AKT3: variants seen among roughly 807,000 people sequenced by gnomAD.
AKT3 encodes the protein RAC-gamma serine/threonine-protein kinase.
In AKT3, 15 loss-of-function variants were observed where a neutral mutation model predicts 65.3. The ratio of observed to expected loss-of-function variants is 0.23; its 90% confidence interval spans 0.15 to 0.35. AKT3 has a LOEUF of 0.35. Among genes scored for constraint, AKT3 ranks in the 10% least tolerant of loss-of-function variants. The probability of loss-of-function intolerance (pLI) is 1.00; values close to 1 mark genes in which losing one functional copy is unlikely to be tolerated. For synonymous variants in AKT3, 206 were observed against 183.8 expected (o/e 1.12, Z -0.98); for missense variants, 243 against 576.5 (o/e 0.42, Z 5.92).
chr1:243,491,268 A>G lies in AKT3; in HGVS notation c.*7-2818T>C, dbSNP rs571902539. ...GAGTTGCAAAATTTTCACAAAACGC[A>G]TTAAAAAAACCCCAAACCTCAAAAA... On this transcript the variant is annotated intron_variant, in intron 13 of 13. Coordinates refer to the AKT3 transcript ENST00000336199. Among the ~76,000 whole-genome samples, 18 of 152,358 alleles carry G rather than the reference A, an allele frequency of 1.2e-4. No individual in the cohort carries two copies. The East Asian group carries it at 3.5e-3, about 29-fold the overall frequency.
chr1:243,805,157 C>T (rs1692645994), intron 2 of AKT3, among the ~76,000 whole-genome samples: 1 of 152,148 alleles, frequency 6.6e-6, no homozygotes, highest in Non-Finnish European at 1.5e-5. Flanking sequence ...TCACAGAGAA[C>T]ATCACAACCA....
chr1:243,721,381 C>T (rs2148114911), intron 2 of AKT3, among the ~76,000 whole-genome samples: 1 of 152,246 alleles, frequency 6.6e-6, no homozygotes, highest in East Asian at 1.9e-4. Flanking sequence ...TAGATCATAA[C>T]CTTTTTGTCC....
intron 3 of AKT3, among the ~76,000 whole-genome samples, chr1:243,682,355 A>T (rs542208123): frequency 6.6e-6 from 1 of 152,268 alleles, no homozygotes; most frequent in South Asian, 2.1e-4. Flanking sequence ...ACCACCTTCC[A>T]AGCTACAGTT....
At position 243,503,824 on chromosome 1, in the gene AKT3, G is replaced by A. The variant is rs1221765227; in HGVS notation, c.*1425C>T. 4.3e-6 allele frequency: 1 copy of A among 230,706 alleles called. No homozygotes were observed. The highest frequency in any genetic ancestry group is 2.2e-5 in the African/African-American group (1 of 45,156). 14.3% of individuals were successfully genotyped at this position (230,706 alleles called of 1,614,324 possible). On this transcript the variant is annotated 3_prime_UTR_variant, in exon 14 of 14. Transcript: ENST00000673466. ...CACTGCCCATTTCCTAAATACTCAA[G>A]ATGTGTTCATTTTGCCACGTAAAGA...
intron 12 of AKT3, among the ~76,000 whole-genome samples, chr1:243,515,902 G>A (rs767647063): frequency 8.5e-5 from 13 of 152,120 alleles, no homozygotes; most frequent in Admixed American, 2.0e-4. Context: ...GCATGAACCC[G>A]GGAGGCGGAG....
intron 4 of AKT3, among the ~76,000 whole-genome samples, chr1:243,649,311 A>ATGTG (rs1386931204): frequency 1.7e-5 from 1 of 58,352 alleles, no homozygotes; most frequent in East Asian, 4.1e-4. Context: ...TGTTATGTGT[A>ATGTG]TATGTGTGTG....
chr1:243,605,482 A>C (rs1383704229), intron 8 of AKT3, among the ~76,000 whole-genome samples: 3 of 152,244 alleles, frequency 2.0e-5, no homozygotes, highest in Non-Finnish European at 2.9e-5. Context: ...GCAAATTTAT[A>C]TCTCTCATCC....
chr1:243,530,678 G>A lies in AKT3; in HGVS notation c.1251+14832C>T, dbSNP rs116586786. ...GGCAAGAAATAACCAAAATCAGAGC[G>A]GAATTGAAGGAAATTGAAATGCAGA... On this transcript the variant is annotated intron_variant, in intron 12 of 13. Transcript: ENST00000673466. Among the ~76,000 whole-genome samples, 1,003 of 152,124 alleles carry A rather than the reference G, an allele frequency of 6.6e-3. 14 individuals are homozygous for A. Among genetic ancestry groups the A allele is most frequent in the African/African-American group, 0.022 (931 of 41,494 alleles).
chr1:243,657,893 A>G (rs773232558), intron 4 of AKT3, among the ~76,000 whole-genome samples: 26 of 152,218 alleles, frequency 1.7e-4, no homozygotes, highest in African/African-American at 4.8e-5. Context: ...CAATGTGGAA[A>G]TATAATGCTG....
chr1:243,723,151 T>C (rs1271900952), intron 2 of AKT3, among the ~76,000 whole-genome samples: 1 of 152,160 alleles, frequency 6.6e-6, no homozygotes, highest in Non-Finnish European at 1.5e-5. Flanking sequence ...ACGAAAATAA[T>C]GTTAGCTGGC....
chr1:243,551,735 T>C (rs1013605704), intron 11 of AKT3, among the ~76,000 whole-genome samples: 10 of 152,244 alleles, frequency 6.6e-5, no homozygotes, highest in Admixed American at 2.0e-4. Context: ...GGAAGGCAGA[T>C]ATATCCATAT....
At chr1:243,655,582 G>A (rs1201588622) in intron 4 of AKT3, among the ~76,000 whole-genome samples, 2 of 152,112 alleles carry the variant, frequency 1.3e-5, no homozygotes, top group Admixed American at 6.5e-5. Context: ...CTGTTAGAGT[G>A]AGTTTACATT....
chr1:243,705,205 T>G (rs1044478352), intron 2 of AKT3, among the ~76,000 whole-genome samples: 2 of 152,214 alleles, frequency 1.3e-5, no homozygotes, highest in Non-Finnish European at 2.9e-5. Context: ...GAAGCAATAT[T>G]ATGAAGTATA....
chr1:243,649,190 T>A (rs532052885), intron 4 of AKT3, among the ~76,000 whole-genome samples: 23 of 152,240 alleles, frequency 1.5e-4, no homozygotes, highest in African/African-American at 5.5e-4. Context: ...GTAATTGACA[T>A]CTATTGTCTT....
In AKT3 at chr1:243,503,767, G is replaced by A. The variant is rs974547357; in HGVS notation, c.*1482C>T. The stretch of plus-strand genomic sequence containing the variant: ...CTTAATTCAGTGATAAATGTACCAT[G>A]ATCCCAAGAAACACACCAGGTTCTT... On this transcript the variant is annotated 3_prime_UTR_variant, in exon 14 of 14. Transcript: ENST00000673466. 6.9e-5 allele frequency: 16 copies of A among 231,080 alleles called. No homozygotes were observed. The highest frequency in any genetic ancestry group is 1.3e-4 in the Non-Finnish European group (15 of 116,568). The allele number at this position is 231,080 out of a possible 1,614,324, so 14.3% of individuals were successfully genotyped here.
chr1:243,836,308 A>G (rs563825732), intron 2 of AKT3, among the ~76,000 whole-genome samples: 36 of 152,250 alleles, frequency 2.4e-4, no homozygotes, highest in African/African-American at 8.4e-4. Flanking sequence ...TGAACATTTC[A>G]TAAGGATAAA....
At chr1:243,764,025 C>T (rs936375475) in intron 2 of AKT3, among the ~76,000 whole-genome samples, 4 of 152,032 alleles carry the variant, frequency 2.6e-5, no homozygotes, top group Non-Finnish European at 5.9e-5. Flanking sequence ...ACCCTGAACT[C>T]GGATTTCACT....
downstream of AKT3, among the ~76,000 whole-genome samples, chr1:243,496,431 AG>A (rs1242932067): frequency 2.0e-5 from 3 of 152,144 alleles, no homozygotes; most frequent in East Asian, 5.8e-4. Flanking sequence ...AGGTAGGGGG[AG>A]GGGCCTGCCC....
intron 2 of AKT3, among the ~76,000 whole-genome samples, chr1:243,803,206 C>G (rs1272796920): frequency 6.6e-6 from 1 of 152,078 alleles, no homozygotes; most frequent in Non-Finnish European, 1.5e-5. Context: ...GAGCCTAGCA[C>G]TACTATATTA....
Sources: allele counts gnomAD v4.1 joint callset (sites outside exome capture counted in the v4.1 genomes callset), GRCh38; gene constraint gnomAD v4.1.1; transcripts MANE v1.5; gene names NCBI Gene and HGNC (gene_info 2026-07-23, HGNC 2026-07-21).